Variants in CSMD1 observed in about 807,000 individuals in gnomAD.
The protein encoded by CSMD1 is CUB and Sushi multiple domains 1.
Under a neutral mutation model 417.5 loss-of-function variants are expected in CSMD1, and 213 were observed. The observed-to-expected ratio is 0.51, with a 90% CI of 0.46 to 0.57. The LOEUF (loss-of-function observed/expected upper bound fraction) is 0.57, where lower values mean the gene tolerates loss of function less well. Ranked by LOEUF, CSMD1 falls within the 20% of genes least tolerant of loss-of-function variation. The pLI is 0.00. For synonymous variants in CSMD1, 2,862 were observed against 1,736.8 expected, an observed-to-expected ratio of 1.65 and a Z score of -16.11; for missense variants, 6,923 against 4,529.7, an observed-to-expected ratio of 1.53 and a Z score of -15.17.
At chr8:3,729,027 G>C (rs142262176) in intron 6 of CSMD1, among the ~76,000 whole-genome samples, 1 of 152,146 alleles carries the variant, frequency 6.6e-6, no homozygotes, top group East Asian at 1.9e-4. Context: ...CCGCCAAACC[G>C]ACCAGCAAAA....
At chr8:3,593,629 A>G (rs187385213) in intron 8 of CSMD1, among the ~76,000 whole-genome samples, 106 of 152,344 alleles carry the variant, frequency 7.0e-4, no homozygotes, top group Admixed American at 2.8e-3. Flanking sequence ...ATGAACAGAT[A>G]AAGTTTTCTG....
intron 3 of CSMD1, among the ~76,000 whole-genome samples, chr8:4,175,787 G>A (rs1056311421): frequency 6.6e-6 from 1 of 152,166 alleles, no homozygotes; most frequent in Non-Finnish European, 1.5e-5. Context: ...TGAATACTAT[G>A]ATGATCATGG....
intron 3 of CSMD1, among the ~76,000 whole-genome samples, chr8:4,106,140 A>G (rs887141745): frequency 6.6e-6 from 1 of 152,070 alleles, no homozygotes; most frequent in Non-Finnish European, 1.5e-5. Context: ...TCGATTTATT[A>G]CATGTTTCTC....
chr8:4,857,202 T>C (rs1482433911), intron 1 of CSMD1, among the ~76,000 whole-genome samples: 1 of 149,664 alleles, frequency 6.7e-6, no homozygotes, highest in Non-Finnish European at 1.5e-5. Flanking sequence ...GAAATAAAGA[T>C]GTTCTTTGAA....
At chr8:4,130,624 A>C (rs1367964814) in intron 3 of CSMD1, among the ~76,000 whole-genome samples, 1 of 152,036 alleles carries the variant, frequency 6.6e-6, no homozygotes, top group Admixed American at 6.6e-5. Flanking sequence ...TCTACCATTT[A>C]ATTTGTCCTT....
chr8:4,946,188 G>T (rs1808357152), intron 1 of CSMD1, among the ~76,000 whole-genome samples: 1 of 152,142 alleles, frequency 6.6e-6, no homozygotes, highest in Admixed American at 6.5e-5. Flanking sequence ...TGTTGTTTTG[G>T]TCTGACTCAA....
intron 10 of CSMD1, among the ~76,000 whole-genome samples, chr8:3,544,835 G>A (rs567434979): frequency 2.0e-4 from 30 of 152,218 alleles, no homozygotes; most frequent in African/African-American, 6.0e-4. Context: ...GACAAGACAC[G>A]TGCTAGTCCA....
At chr8:4,986,882 G>A (rs73499403) in intron 1 of CSMD1, among the ~76,000 whole-genome samples, 4,976 of 152,154 alleles carry the variant, frequency 0.033, 261 homozygotes, top group African/African-American at 0.11. Flanking sequence ...TAGTGAAAAC[G>A]TTATTAGATT....
At chr8:4,951,443 G>GGGAA (rs574475886) in intron 1 of CSMD1, among the ~76,000 whole-genome samples, 2 of 145,852 alleles carry the variant, frequency 1.4e-5, no homozygotes, top group African/African-American at 2.5e-5. Context: ...GAAAGAAAGA[G>GGGAA]GGAAGGAAGG....
chr8:4,955,599 G>A (rs73513899), intron 1 of CSMD1, among the ~76,000 whole-genome samples: 2,249 of 152,142 alleles, frequency 0.015, 48 homozygotes, highest in African/African-American at 0.051. Flanking sequence ...GAGATTACAA[G>A]CATGTACCAC....
At chr8:4,285,874 C>T (rs1375510627) in intron 3 of CSMD1, among the ~76,000 whole-genome samples, 1 of 152,280 alleles carries the variant, frequency 6.6e-6, no homozygotes, top group South Asian at 2.1e-4. Flanking sequence ...GTGGTCTCTT[C>T]CAGCCTGGAA....
intron 2 of CSMD1, among the ~76,000 whole-genome samples, chr8:4,455,191 G>A (rs1238838128): frequency 6.7e-6 from 1 of 149,414 alleles, no homozygotes; most frequent in Non-Finnish European, 1.5e-5. Flanking sequence ...TGCAACAAAA[G>A]CTATGACTCT....
In CSMD1 at chr8:3,122,380, A is replaced by AT. The variant is rs138715988; in HGVS notation, c.6242-3794dup. 6.9e-3 allele frequency among the ~76,000 whole-genome samples: 1,044 copies of AT among 152,320 alleles called. 12 individuals are homozygous for AT. The highest frequency in any genetic ancestry group is 0.024 in the African/African-American group (982 of 41,564). ...CGTTGATTAGAGACACTCTACAAAG[A>AT]TTTACTATAGATCAATAAACCTTAT... On this transcript the variant is annotated intron_variant, in intron 41 of 69. Coordinates refer to ENST00000635120, the MANE Select transcript of CSMD1 (RefSeq NM_033225.6).
At chr8:4,078,714 C>G (rs1039835833) in intron 3 of CSMD1, among the ~76,000 whole-genome samples, 1 of 149,904 alleles carries the variant, frequency 6.7e-6, no homozygotes, top group Non-Finnish European at 1.5e-5. Flanking sequence ...TATTTGTTCT[C>G]CATAGATTGC....
At chr8:4,850,024 T>C (rs927132522) in intron 1 of CSMD1, among the ~76,000 whole-genome samples, 3 of 152,206 alleles carry the variant, frequency 2.0e-5, no homozygotes, top group Non-Finnish European at 4.4e-5. Context: ...TTTCTCCACA[T>C]CTGTGTTACG....
intron 3 of CSMD1, among the ~76,000 whole-genome samples, chr8:4,238,188 A>T (rs192992722): frequency 1.3e-5 from 2 of 152,326 alleles, no homozygotes; most frequent in Non-Finnish European, 2.9e-5. Flanking sequence ...AATGCCAAGT[A>T]CGTCGATATT....
intron 5 of CSMD1, among the ~76,000 whole-genome samples, chr8:3,930,390 C>T (rs1320310998): frequency 6.6e-6 from 1 of 150,530 alleles, no homozygotes; most frequent in Non-Finnish European, 1.5e-5. Flanking sequence ...ACAACTTAGC[C>T]CTGGCATGCT....
intron 11 of CSMD1, among the ~76,000 whole-genome samples, chr8:3,490,598 C>A (rs1401434138): frequency 6.6e-6 from 1 of 152,104 alleles, no homozygotes; most frequent in Non-Finnish European, 1.5e-5. Context: ...TTCCCACAGG[C>A]TGGAAAAGTT....
intron 5 of CSMD1, among the ~76,000 whole-genome samples, chr8:3,871,720 T>C (rs927415629): frequency 2.0e-5 from 3 of 152,188 alleles, no homozygotes; most frequent in Non-Finnish European, 4.4e-5. Flanking sequence ...AAAAATTGCT[T>C]TTGAAATCCA....
Sources: gnomAD v4.1 joint callset for allele counts (sites outside exome capture counted in the v4.1 genomes callset) on GRCh38, gnomAD v4.1.1 for gene constraint, MANE v1.5 for transcripts, NCBI Gene and HGNC (gene_info 2026-07-23, HGNC 2026-07-21) for gene names.